Variants in EVC2 observed in about 807,000 individuals in gnomAD.
The protein encoded by EVC2 is limbin.
A neutral mutation model predicts 149.3 loss-of-function variants in EVC2; 148 were observed. That is an observed-to-expected ratio of 0.99 (90% CI 0.87 to 1.14). The LOEUF is 1.14. Among genes scored for constraint, EVC2 ranks in the 50% most tolerant of loss-of-function variants. The probability of loss-of-function intolerance (pLI) is 0.00; values close to 1 mark genes in which losing one functional copy is unlikely to be tolerated. For missense variants in EVC2, 1,854 were observed against 1,627.3 expected (o/e 1.14, Z -2.40); for synonymous variants, 776 against 649.9 (o/e 1.19, Z -2.95).
In EVC2 at chr4:5,567,475, C is replaced by G. The variant is rs560791275; in HGVS notation, c.3557+969G>C. ...CTCCCAGATGCCCTCCTGGCCTCCT[C>G]TGCATCCTTGCTGAGGCTGTGAGCT... On this transcript the variant is annotated intron_variant, in intron 20 of 21. Coordinates refer to ENST00000344408, the MANE Select transcript of EVC2 (RefSeq NM_147127.5). The surrounding 1 kb of genome is among the most constrained non-coding windows in gnomAD (Gnocchi z 4.4). 6.6e-6 allele frequency among the ~76,000 whole-genome samples: 1 copy of G among 152,304 alleles called. No individual in the cohort carries two copies. Among genetic ancestry groups the G allele is most frequent in the Admixed American group, 6.5e-5 (1 of 15,302 alleles).
chr4:5,694,649 C>T, intron 2 of EVC2, 148 bp from the exon 3 acceptor site: 1 of 859,174 alleles, frequency 1.2e-6, no homozygotes, highest in Admixed American at 2.1e-5. Context: ...TGAATGATAT[C>T]ATCTCTTTGC....
intron 3 of EVC2, among the ~76,000 whole-genome samples, chr4:5,693,953 A>G (rs1721292370): frequency 1.3e-5 from 2 of 152,242 alleles, no homozygotes; most frequent in African/African-American, 4.8e-5. Flanking sequence ...GAGATTATAC[A>G]TAGAAAGTGC....
chr4:5,620,784 A>T (rs1389975531), intron 14 of EVC2, among the ~76,000 whole-genome samples: 2 of 152,208 alleles, frequency 1.3e-5, no homozygotes, highest in East Asian at 1.9e-4. Context: ...CTGCAAAACG[A>T]ATCCAAACGA....
intron 19 of EVC2, among the ~76,000 whole-genome samples, chr4:5,571,341 T>G (rs1722635409): frequency 7.8e-6 from 1 of 127,972 alleles, no homozygotes; most frequent in Non-Finnish European, 1.7e-5. Flanking sequence ...AAAAAAAGAC[T>G]ATACATTGAT....
chr4:5,544,454 TG>T (rs1721574933), intron 21 of EVC2, among the ~76,000 whole-genome samples: 2 of 152,144 alleles, frequency 1.3e-5, no homozygotes, highest in South Asian at 4.1e-4. Context: ...TGCAATTCTG[TG>T]GAAAGTTTGG....
chr4:5,542,239 C>T (rs952643680), downstream of EVC2, among the ~76,000 whole-genome samples: 4 of 152,122 alleles, frequency 2.6e-5, no homozygotes, highest in African/African-American at 9.7e-5. Context: ...ATCACTTGAG[C>T]CCAAGAGTTT....
intron 3 of EVC2, among the ~76,000 whole-genome samples, chr4:5,692,994 A>T (rs1200126148): frequency 6.6e-6 from 1 of 152,020 alleles, no homozygotes; most frequent in African/African-American, 2.4e-5. Flanking sequence ...GCTTCCATCC[A>T]CTACACCCCC....
At chr4:5,594,148 A>G (rs1054079312) in intron 16 of EVC2, among the ~76,000 whole-genome samples, 3 of 152,336 alleles carry the variant, frequency 2.0e-5, no homozygotes, top group South Asian at 2.1e-4. Flanking sequence ...GGCAGGGCAC[A>G]GACAAACAAA....
intron 9 of EVC2, among the ~76,000 whole-genome samples, chr4:5,656,840 C>T (rs1345251133): frequency 1.3e-5 from 2 of 152,180 alleles, no homozygotes; most frequent in African/African-American, 4.8e-5. Flanking sequence ...TAATTTGTGA[C>T]AACAGCCACA....
chr4:5,530,329 A>C, the EVC2 span, among the ~76,000 whole-genome samples: 1 of 152,320 alleles, frequency 6.6e-6, no homozygotes, highest in Non-Finnish European at 1.5e-5. Flanking sequence ...CATGGGGCCT[A>C]AGGAGGATCC....
chr4:5,557,376 A>C (rs1721857351), intron 21 of EVC2, among the ~76,000 whole-genome samples: 1 of 152,112 alleles, frequency 6.6e-6, no homozygotes, highest in South Asian at 2.1e-4. Context: ...CATACGATAA[A>C]ATCTCTCAGC....
intron 16 of EVC2, among the ~76,000 whole-genome samples, chr4:5,612,719 C>G (rs568761423): frequency 1.1e-4 from 17 of 151,966 alleles, no homozygotes; most frequent in South Asian, 2.1e-4. Context: ...TCAGGAGATC[C>G]AGACCATCCT....
At chr4:5,671,065 G>A (rs545841613) in intron 7 of EVC2, among the ~76,000 whole-genome samples, 1 of 152,324 alleles carries the variant, frequency 6.6e-6, no homozygotes, top group South Asian at 2.1e-4. Context: ...CACCAGGGAT[G>A]GATCCAAGTG....
At chr4:5,593,751 C>A (rs1713074863) in intron 16 of EVC2, among the ~76,000 whole-genome samples, 1 of 152,140 alleles carries the variant, frequency 6.6e-6, no homozygotes, top group African/African-American at 2.4e-5. Flanking sequence ...CGTGCGTGAG[C>A]CAAAGCAGGG....
Position 5,639,388 on chromosome 4 carries a change from A to G in EVC2, c.1470+1126T>C, listed in dbSNP as rs150998301. ...ATTCAGGAAAAACTCTAGTTCTTTC[A>G]AGGCAGCAACTGACACAACTTTTGG... On this transcript the variant is annotated intron_variant, in intron 10 of 21. Coordinates refer to ENST00000344408, the MANE Select transcript of EVC2 (RefSeq NM_147127.5). Among the ~76,000 whole-genome samples the G allele has an allele frequency of 3.8e-3, 578 of 152,370 alleles. 6 individuals are homozygous for G. The highest frequency in any genetic ancestry group is 0.013 in the African/African-American group (542 of 41,594).
At chr4:5,608,702 T>G (rs953837182) in intron 16 of EVC2, among the ~76,000 whole-genome samples, 1 of 151,962 alleles carries the variant, frequency 6.6e-6, no homozygotes, top group African/African-American at 2.4e-5. Flanking sequence ...CCCAGCTAAT[T>G]TTTTTGTATT....
intron 13 of EVC2, among the ~76,000 whole-genome samples, chr4:5,623,278 G>A (rs549573456): frequency 4.9e-4 from 74 of 152,054 alleles, no homozygotes; most frequent in African/African-American, 1.6e-3. Flanking sequence ...CTGCAATTAC[G>A]GGCACGTGCG....
chr4:5,670,406 T>C lies in EVC2; in HGVS notation c.871-4757A>G, dbSNP rs1029037024. Among the ~76,000 whole-genome samples, 5 of 151,818 alleles carry C rather than the reference T, an allele frequency of 3.3e-5. No individual in the cohort carries two copies. Among genetic ancestry groups the C allele is most frequent in the Admixed American group, 2.6e-4 (4 of 15,238 alleles). On this transcript the variant is annotated intron_variant, in intron 7 of 21. Transcript: ENST00000344408. This position sits in a 1 kb window ranked among gnomAD's most constrained non-coding sequence, Gnocchi z 5.2. ...AACATCATCAATATCTCCATCATTT[T>C]CATCTTTACCATCACCATCAACACC... is the stretch of plus-strand genomic sequence containing the variant.
At chr4:5,685,294 G>A (rs1720619569) in intron 6 of EVC2, 76 bp downstream of exon 6, 2 of 1,380,762 alleles carry the variant, frequency 1.4e-6, no homozygotes, top group South Asian at 1.2e-5. Flanking sequence ...CAGGTCTTCT[G>A]TCTGAAGTGT....
Sources: gnomAD v4.1 joint callset for allele counts (sites outside exome capture counted in the v4.1 genomes callset) on GRCh38, gnomAD v4.1.1 for gene constraint, Gnocchi (gnomAD v3.1) non-coding constraint, MANE v1.5 for transcripts, NCBI Gene and HGNC (gene_info 2026-07-23, HGNC 2026-07-21) for gene names.